ERAP1: variants seen among roughly 807,000 people sequenced by gnomAD.
ERAP1 encodes endoplasmic reticulum aminopeptidase 1.
ERAP1 carries 86 observed loss-of-function variants against 103.7 expected under a neutral mutation model. The ratio of observed to expected loss-of-function variants is 0.83; its 90% CI spans 0.70 to 0.99. ERAP1 has a LOEUF of 0.99. Ranked by LOEUF, ERAP1 falls within the 50% of genes least tolerant of loss-of-function variation. The pLI, the probability that ERAP1 is intolerant of heterozygous loss-of-function variation, is 0.00. For synonymous variants in ERAP1, 398 were observed against 402.4 expected, an observed-to-expected ratio of 0.99 and a Z score of 0.13; for missense variants, 1,009 against 1,128.4, an observed-to-expected ratio of 0.89 and a Z score of 1.52.
the ERAP1 span, chr5:96,909,141 T>C: frequency 6.2e-7 from 1 of 1,608,320 alleles, no homozygotes; most frequent in African/African-American, 1.3e-5. Flanking sequence ...TTAGAAAATG[T>C]ATTAAGTAAA....
At position 96,793,865 on chromosome 5, in the gene ERAP1, T is replaced by C. The variant is rs964199212; in HGVS notation, c.1012A>G (p.Lys338Glu). The change falls in exon 6 of 19, where the codon AAG (lysine) becomes GAG (glutamate). Residue 338 changes from lysine to glutamate, a missense_variant. By Grantham distance (56) the Lys-to-Glu change is moderately conservative. Coordinates refer to ENST00000443439, the MANE Select transcript of ERAP1 (RefSeq NM_001040458.3). ...RESALLFDAE[K>E]SSASSKLGIT... is the part of the protein sequence containing the mutation. ...CCAAGCTTACTTGATGCAGAAGACT[T>C]TTCTGCATCAAACAACAGAGCAGAT... 4 of 1,613,326 alleles carry C rather than the reference T, an allele frequency of 2.5e-6. No individual in the cohort carries two copies. Among genetic ancestry groups the C allele is most frequent in the African/African-American group, 2.7e-5 (2 of 74,910 alleles).
the ERAP1 span, among the ~76,000 whole-genome samples, chr5:96,929,756 T>C: frequency 6.6e-6 from 1 of 152,220 alleles, no homozygotes; most frequent in Non-Finnish European, 1.5e-5. Context: ...AGTTTGACTC[T>C]TTTCATTTAC....
chr5:96,819,117 GGTTTCAACAC>G, the ERAP1 span, among the ~76,000 whole-genome samples: 1 of 151,828 alleles, frequency 6.6e-6, no homozygotes, highest in Non-Finnish European at 1.5e-5. Context: ...ATAGAGACGG[GGTTTCAACAC>G]GTTGGCCAGG....
At chr5:96,788,847 C>A (rs1776400765) in intron 10 of ERAP1, among the ~76,000 whole-genome samples, 162 bp from the exon 11 acceptor site, 1 of 152,200 alleles carries the variant, frequency 6.6e-6, no homozygotes, top group Non-Finnish European at 1.5e-5. Context: ...AGCCATCACA[C>A]CTCCATTAGA....
At chr5:96,839,295 C>T in the ERAP1 span, among the ~76,000 whole-genome samples, 1 of 152,308 alleles carries the variant, frequency 6.6e-6, no homozygotes, top group Non-Finnish European at 1.5e-5. Context: ...AGCCAGTCTC[C>T]AGCTCCCCTC....
the ERAP1 span, among the ~76,000 whole-genome samples, chr5:96,843,180 G>A: frequency 9.2e-5 from 14 of 152,220 alleles, no homozygotes; most frequent in African/African-American, 1.2e-4. Flanking sequence ...GGAGTAGGCC[G>A]GCACAAGCAG....
chr5:96,915,241 T>A, the ERAP1 span, among the ~76,000 whole-genome samples: 3 of 152,182 alleles, frequency 2.0e-5, no homozygotes, highest in Non-Finnish European at 4.4e-5. Context: ...ACTCCTGACC[T>A]CAGGTGATCC....
the ERAP1 span, among the ~76,000 whole-genome samples, chr5:96,840,753 T>G: frequency 6.6e-6 from 1 of 151,684 alleles, no homozygotes; most frequent in African/African-American, 2.4e-5. Flanking sequence ...GTCGCCATAC[T>G]GGAGTGCAGT....
the ERAP1 span, chr5:96,909,913 T>C: frequency 0.52 from 362,582 of 694,030 alleles, 95,794 homozygotes; most frequent in Middle Eastern, 0.6. Flanking sequence ...GCTCTCACAT[T>C]GTAAGTGCTA....
chr5:96,852,032 A>G, the ERAP1 span, among the ~76,000 whole-genome samples: 1 of 152,218 alleles, frequency 6.6e-6, no homozygotes, highest in Non-Finnish European at 1.5e-5. Flanking sequence ...GAGAGGGGCA[A>G]ATAGCCCCCA....
the ERAP1 span, among the ~76,000 whole-genome samples, chr5:96,891,541 CA>C: frequency 7.5e-6 from 1 of 132,920 alleles, no homozygotes; most frequent in African/African-American, 3.0e-5. Flanking sequence ...TATATACACA[CA>C]CACACACACA....
At chr5:96,920,587 T>C in the ERAP1 span, among the ~76,000 whole-genome samples, 1 of 152,230 alleles carries the variant, frequency 6.6e-6, no homozygotes, top group Admixed American at 6.5e-5. Context: ...AACACTAATG[T>C]CTACCAAACA....
chr5:96,864,468 GA>G, the ERAP1 span, among the ~76,000 whole-genome samples: 1 of 152,128 alleles, frequency 6.6e-6, no homozygotes. Flanking sequence ...AGATGACAGT[GA>G]AAAGTCTCAG....
At chr5:96,917,381 G>GA in the ERAP1 span, 1 of 1,403,710 alleles carries the variant, frequency 7.1e-7, no homozygotes, top group South Asian at 1.3e-5. Context: ...TTGGCCTCCC[G>GA]AAGTGCTGGG....
the ERAP1 span, among the ~76,000 whole-genome samples, chr5:96,835,775 A>G: frequency 3.9e-5 from 6 of 152,210 alleles, no homozygotes; most frequent in Admixed American, 1.3e-4. Context: ...CTTAGTAGGT[A>G]CTACAAACTT....
the ERAP1 span, among the ~76,000 whole-genome samples, chr5:96,829,427 A>G: frequency 4.6e-5 from 7 of 152,232 alleles, no homozygotes; most frequent in Admixed American, 4.6e-4. Context: ...TATTTTCCCC[A>G]TAGCAACAAA....
the ERAP1 span, among the ~76,000 whole-genome samples, chr5:96,923,706 A>G: frequency 6.6e-6 from 1 of 151,882 alleles, no homozygotes; most frequent in African/African-American, 2.4e-5. Flanking sequence ...AAAAAAAAAA[A>G]AAAGAAAAAG....
intron 18 of ERAP1, chr5:96,779,255 T>A (rs1774812151): frequency 6.6e-6 from 1 of 152,238 alleles, no homozygotes; most frequent in Admixed American, 6.5e-5. Flanking sequence ...AAACCATGTG[T>A]GGCATATATG....
intron 1 of ERAP1, chr5:96,805,548 TCTC>T (rs1778509331): frequency 6.6e-6 from 1 of 152,074 alleles, no homozygotes; most frequent in Admixed American, 6.5e-5. Flanking sequence ...GGAATTCCCT[TCTC>T]CTCACCTCTG....
Sources: gnomAD v4.1 joint callset for allele counts (sites outside exome capture counted in the v4.1 genomes callset) on GRCh38, gnomAD v4.1.1 for gene constraint, MANE v1.5 for transcripts, NCBI Gene and HGNC (gene_info 2026-07-23, HGNC 2026-07-21) for gene names.